KAZN: variants seen among roughly 807,000 people sequenced by gnomAD.
The protein encoded by KAZN is kazrin, periplakin interacting protein.
KAZN carries 40 observed loss-of-function variants against 87.4 expected under a neutral mutation model. That is an observed-to-expected ratio of 0.46 (90% CI 0.36 to 0.60). The LOEUF is 0.60. Among genes scored for constraint, KAZN ranks in the 20% least tolerant of loss-of-function variants. The probability of loss-of-function intolerance (pLI) is 0.00; values close to 1 mark genes in which losing one functional copy is unlikely to be tolerated. For missense variants in KAZN, 898 were observed against 1,073.9 expected (o/e 0.84, Z 2.29); for synonymous variants, 466 against 458.3 (o/e 1.02, Z -0.22).
At chr1:15,039,303 A>G (rs1300209122) in intron 3 of KAZN, among the ~76,000 whole-genome samples, 1 of 152,198 alleles carries the variant, frequency 6.6e-6, no homozygotes, top group East Asian at 1.9e-4. Context: ...GGAAAGGGGT[A>G]GAGGCAGGAT....
intron 2 of KAZN, among the ~76,000 whole-genome samples, chr1:14,554,096 T>G (rs958550099): frequency 5.9e-5 from 9 of 152,146 alleles, no homozygotes; most frequent in Non-Finnish European, 1.2e-4. Flanking sequence ...GCTGAGGAAC[T>G]TGGGGAAATC....
In KAZN at chr1:14,688,734, C is replaced by T. The variant is rs1267335226; in HGVS notation, c.226+89511C>T. ...ACACGTACTAGAACCTTGCCAAGGACACTGAATGGTCAGGTGTCTGCTGTC... is the reference window on the plus strand; with the variant it reads ...ACACGTACTAGAACCTTGCCAAGGATACTGAATGGTCAGGTGTCTGCTGTC... On this transcript the variant is annotated intron_variant, in intron 1 of 14. Transcript: ENST00000376030. 2.6e-5 allele frequency among the ~76,000 whole-genome samples: 4 copies of T among 152,370 alleles called. No individual in the cohort carries two copies. The South Asian group carries it at 6.2e-4, about 24-fold the overall frequency.
At chr1:14,126,225 A>ACAC (rs1644862243) in intron 1 of KAZN, among the ~76,000 whole-genome samples, 1 of 152,124 alleles carries the variant, frequency 6.6e-6, no homozygotes, top group South Asian at 2.1e-4. Flanking sequence ...TGAGGCACAA[A>ACAC]CACCTTTCTC....
intron 1 of KAZN, among the ~76,000 whole-genome samples, chr1:14,669,467 G>GC (rs1639781304): frequency 1.3e-5 from 2 of 152,156 alleles, no homozygotes; most frequent in South Asian, 4.1e-4. Flanking sequence ...CCAAGAGCTG[G>GC]GCGCGGTGGC....
chr1:14,660,551 T>A (rs1430717260), intron 1 of KAZN, among the ~76,000 whole-genome samples: 1 of 143,308 alleles, frequency 7.0e-6, no homozygotes, highest in East Asian at 2.0e-4. Flanking sequence ...CTTTTTTTTT[T>A]TTTTTTTTTT....
At chr1:14,668,484 G>A (rs976904012) in intron 1 of KAZN, among the ~76,000 whole-genome samples, 3 of 152,094 alleles carry the variant, frequency 2.0e-5, no homozygotes, top group South Asian at 4.2e-4. Flanking sequence ...GTTCTTTCTC[G>A]GGAGTAGCCA....
Position 14,681,981 on chromosome 1 carries a change from C to T in KAZN, c.226+82758C>T, listed in dbSNP as rs560143151. ...GATTACAGGCGTGAGCCACCGCGCC[C>T]GGCCCATTTTAACTATTTTTAAATG... On this transcript the variant is annotated intron_variant, in intron 1 of 14. Transcript: ENST00000376030. 1.2e-3 allele frequency among the ~76,000 whole-genome samples: 175 copies of T among 151,736 alleles called. 5 individuals are homozygous for T. The highest frequency in any genetic ancestry group is 1.4e-3 in the Non-Finnish European group (94 of 67,954).
chr1:14,605,589 A>G (rs753253342), intron 1 of KAZN, among the ~76,000 whole-genome samples: 1 of 152,250 alleles, frequency 6.6e-6, no homozygotes. Flanking sequence ...CAAAATATTA[A>G]GAAAATCATA....
chr1:14,702,417 T>G (rs965803147), intron 1 of KAZN, among the ~76,000 whole-genome samples: 33 of 150,764 alleles, frequency 2.2e-4, no homozygotes, highest in African/African-American at 7.6e-4. Context: ...TCAAAGAGGT[T>G]TTATGGCTTT....
intron 2 of KAZN, among the ~76,000 whole-genome samples, chr1:14,419,898 A>T (rs767736877): frequency 6.6e-6 from 1 of 152,130 alleles, no homozygotes; most frequent in Non-Finnish European, 1.5e-5. Flanking sequence ...CCAAAGAGCG[A>T]GCAACAATGG....
At chr1:14,047,214 G>A (rs1358828132) in intron 1 of KAZN, among the ~76,000 whole-genome samples, 1 of 152,188 alleles carries the variant, frequency 6.6e-6, no homozygotes, top group African/African-American at 2.4e-5. Flanking sequence ...GATGGGAAGG[G>A]TGTCCACACC....
At chr1:14,711,918 G>A (rs1009066861) in intron 1 of KAZN, among the ~76,000 whole-genome samples, 5 of 152,190 alleles carry the variant, frequency 3.3e-5, no homozygotes, top group South Asian at 2.1e-4. Flanking sequence ...CATTAGGACC[G>A]GGACAGCTTG....
At chr1:14,325,541 G>C (rs1435024330) in intron 2 of KAZN, among the ~76,000 whole-genome samples, 1 of 151,878 alleles carries the variant, frequency 6.6e-6, no homozygotes, top group South Asian at 2.1e-4. Context: ...AAAAGTAGGA[G>C]AGAGAGAAAA....
At chr1:14,245,501 G>A (rs563697886) in intron 2 of KAZN, among the ~76,000 whole-genome samples, 24 of 151,946 alleles carry the variant, frequency 1.6e-4, no homozygotes, top group Non-Finnish European at 2.8e-4. Flanking sequence ...TAAACACTTC[G>A]GCAGTTTCAC....
chr1:13,970,765 T>G (rs1321591483), intron 1 of KAZN, among the ~76,000 whole-genome samples: 1 of 152,226 alleles, frequency 6.6e-6, no homozygotes, highest in Non-Finnish European at 1.5e-5. Flanking sequence ...GGTTCATACT[T>G]CTATTCTGAT....
intron 2 of KAZN, among the ~76,000 whole-genome samples, chr1:14,547,533 A>G (rs141299940): frequency 2.0e-3 from 297 of 152,300 alleles, no homozygotes; most frequent in African/African-American, 6.7e-3. Flanking sequence ...AATCAAAACA[A>G]GGTTCCCTGA....
chr1:14,561,572 A>AG (rs2148528570), intron 2 of KAZN, among the ~76,000 whole-genome samples: 1 of 152,228 alleles, frequency 6.6e-6, no homozygotes, highest in East Asian at 1.9e-4. Flanking sequence ...CTGGAGTTAC[A>AG]GTCAATACTG....
At chr1:14,668,463 C>T (rs1162232387) in intron 1 of KAZN, among the ~76,000 whole-genome samples, 1 of 151,954 alleles carries the variant, frequency 6.6e-6, no homozygotes, top group African/African-American at 2.4e-5. Context: ...GTCTCCTCAC[C>T]CAAGTGCTGA....
intron 2 of KAZN, among the ~76,000 whole-genome samples, chr1:14,361,380 T>C (rs1036057790): frequency 6.6e-6 from 1 of 152,192 alleles, no homozygotes; most frequent in Non-Finnish European, 1.5e-5. Flanking sequence ...TCTGTGGTGG[T>C]GGGACCTGCT....
Sources: gnomAD v4.1 joint callset for allele counts (sites outside exome capture counted in the v4.1 genomes callset) on GRCh38, gnomAD v4.1.1 for gene constraint, MANE v1.5 for transcripts, NCBI Gene and HGNC (gene_info 2026-07-23, HGNC 2026-07-21) for gene names.